B4GALT6: variants seen among roughly 807,000 people sequenced by gnomAD.
B4GALT6 encodes beta-1,4-galactosyltransferase 6.
B4GALT6 carries 14 observed loss-of-function variants against 46.3 expected under a neutral mutation model. That is an observed-to-expected ratio of 0.30 (90% confidence interval 0.20 to 0.47). The LOEUF is 0.47. B4GALT6 is among the 20% of genes least tolerant of loss of function. The pLI is 0.99. For synonymous variants in B4GALT6, 168 were observed against 162.0 expected (o/e 1.04, Z -0.28); for missense variants, 386 against 480.1 (o/e 0.80, Z 1.83).
the B4GALT6 span, among the ~76,000 whole-genome samples, chr18:31,718,007 G>C: frequency 6.6e-6 from 1 of 151,196 alleles, no homozygotes; most frequent in African/African-American, 2.4e-5. Context: ...ACAGGAAAAG[G>C]GAGTCATGCA....
chr18:31,658,135 T>C (rs763737080), intron 2 of B4GALT6, 46 bp from the exon 3 acceptor site: 1 of 1,315,706 alleles, frequency 7.6e-7, no homozygotes, highest in Admixed American at 1.9e-5. Context: ...AAAGGCCTTT[T>C]GCTTTCTCCC....
intron 3 of B4GALT6, 39 bp downstream of exon 3, chr18:31,657,937 A>C: frequency 6.6e-7 from 1 of 1,511,830 alleles, no homozygotes; most frequent in Non-Finnish European, 9.2e-7. Context: ...GTATTGTAAC[A>C]CAAGTAAACA....
At chr18:31,625,918 T>G (rs183844436) in intron 8 of B4GALT6, among the ~76,000 whole-genome samples, 157 bp from the exon 9 acceptor site, 63 of 152,300 alleles carry the variant, frequency 4.1e-4, no homozygotes, top group Non-Finnish European at 8.1e-4. Flanking sequence ...AAACCATTAT[T>G]CTAAATTAGC....
chr18:31,692,905 A>T, the B4GALT6 span, among the ~76,000 whole-genome samples: 1 of 152,186 alleles, frequency 6.6e-6, no homozygotes, highest in Non-Finnish European at 1.5e-5. Context: ...GCTCTAACTG[A>T]ACTTACTTAT....
the B4GALT6 span, among the ~76,000 whole-genome samples, chr18:31,706,690 C>T: frequency 6.6e-6 from 1 of 152,138 alleles, no homozygotes; most frequent in Admixed American, 6.6e-5. Context: ...TCTTCATTTC[C>T]ATAATTTTAT....
At chr18:31,632,431 T>C (rs1320205257) in intron 5 of B4GALT6, among the ~76,000 whole-genome samples, 1 of 152,214 alleles carries the variant, frequency 6.6e-6, no homozygotes, top group East Asian at 1.9e-4. Flanking sequence ...ACTCAAAGGC[T>C]TATAAAAGAA....
chr18:31,668,213 A>C (rs2074305559), intron 1 of B4GALT6, among the ~76,000 whole-genome samples: 1 of 152,212 alleles, frequency 6.6e-6, no homozygotes, highest in Non-Finnish European at 1.5e-5. Flanking sequence ...CAGGCACAGA[A>C]AACCAAATAC....
upstream of B4GALT6, among the ~76,000 whole-genome samples, chr18:31,687,445 A>G (rs999294363): frequency 5.3e-5 from 8 of 152,190 alleles, no homozygotes; most frequent in African/African-American, 1.9e-4. Context: ...GTCTCAGCTC[A>G]TGTTTAAAAC....
chr18:31,671,324 T>G (rs1160637173), intron 1 of B4GALT6, among the ~76,000 whole-genome samples: 1 of 152,216 alleles, frequency 6.6e-6, no homozygotes, highest in Non-Finnish European at 1.5e-5. Flanking sequence ...ATTGCCACAC[T>G]GTCTTCCACA....
intron 3 of B4GALT6, among the ~76,000 whole-genome samples, chr18:31,657,220 T>TA (rs1384721861): frequency 2.7e-5 from 4 of 148,752 alleles, no homozygotes; most frequent in Non-Finnish European, 4.4e-5. Context: ...TATATATATA[T>TA]TTTTTTTGCT....
At chr18:31,653,874 C>T (rs558294298) in intron 3 of B4GALT6, among the ~76,000 whole-genome samples, 46 of 152,140 alleles carry the variant, frequency 3.0e-4, no homozygotes, top group Non-Finnish European at 5.7e-4. Flanking sequence ...CGCTGCACAG[C>T]GGCTGTTCAT....
chr18:31,669,135 A>G (rs1370967473), intron 1 of B4GALT6, among the ~76,000 whole-genome samples: 3 of 152,028 alleles, frequency 2.0e-5, no homozygotes, highest in Admixed American at 1.3e-4. Flanking sequence ...GGTGTATTTC[A>G]GTTTCTATTT....
intron 2 of B4GALT6, among the ~76,000 whole-genome samples, chr18:31,665,375 T>C (rs566310884): frequency 3.9e-5 from 6 of 152,338 alleles, no homozygotes; most frequent in African/African-American, 1.2e-4. Flanking sequence ...CATTAAATTA[T>C]TGGTTCAGCC....
At chr18:31,717,927 T>C in the B4GALT6 span, among the ~76,000 whole-genome samples, 1 of 123,840 alleles carries the variant, frequency 8.1e-6, no homozygotes, top group African/African-American at 3.1e-5. Flanking sequence ...GCACTCCAGC[T>C]AGGGCAAAAA....
intron 1 of B4GALT6, among the ~76,000 whole-genome samples, chr18:31,667,966 G>T (rs947440644): frequency 1.3e-5 from 2 of 151,958 alleles, no homozygotes; most frequent in African/African-American, 4.8e-5. Flanking sequence ...ACATGGTGGT[G>T]CAAGCCTGTA....
intron 3 of B4GALT6, among the ~76,000 whole-genome samples, chr18:31,656,211 G>A (rs1667290): frequency 0.67 from 101,726 of 151,954 alleles, 34,176 homozygotes; most frequent in South Asian, 0.8. Flanking sequence ...GCTAAAACAA[G>A]TCCTACAAAT....
chr18:31,634,293 G>C (rs866776038), intron 5 of B4GALT6, among the ~76,000 whole-genome samples: 1 of 152,194 alleles, frequency 6.6e-6, no homozygotes, highest in East Asian at 1.9e-4. Flanking sequence ...GTTTCTACAA[G>C]ATACAACAGA....
At chr18:31,717,523 A>G in the B4GALT6 span, among the ~76,000 whole-genome samples, 1 of 152,236 alleles carries the variant, frequency 6.6e-6, no homozygotes, top group African/African-American at 2.4e-5. Flanking sequence ...CTAGTTAAAA[A>G]ATAATAAAAT....
At chr18:31,647,181 T>G (rs918105701) in intron 3 of B4GALT6, among the ~76,000 whole-genome samples, 1 of 152,244 alleles carries the variant, frequency 6.6e-6, no homozygotes, top group African/African-American at 2.4e-5. Flanking sequence ...TGATAGTAAT[T>G]AGGCTAAATA....
Sources: gnomAD v4.1 joint callset for allele counts (sites outside exome capture counted in the v4.1 genomes callset) on GRCh38, gnomAD v4.1.1 for gene constraint, MANE v1.5 for transcripts, NCBI Gene and HGNC (gene_info 2026-07-23, HGNC 2026-07-21) for gene names.